Variants in CNTNAP2 observed in about 807,000 individuals in gnomAD.
CNTNAP2 encodes contactin associated protein 2.
Under a neutral mutation model 155.2 loss-of-function variants are expected in CNTNAP2, and 98 were observed. The observed-to-expected ratio is 0.63, with a 90% CI of 0.54 to 0.75. CNTNAP2 has a LOEUF of 0.75. CNTNAP2 is among the 30% of genes least tolerant of loss of function. The probability of loss-of-function intolerance (pLI) is 0.00; values close to 1 mark genes in which losing one functional copy is unlikely to be tolerated. For missense variants in CNTNAP2, 1,727 were observed against 1,688.1 expected, an observed-to-expected ratio of 1.02 and a Z score of -0.40; for synonymous variants, 651 against 631.2, an observed-to-expected ratio of 1.03 and a Z score of -0.47.
chr7:147,251,909 G>A (rs981259555), intron 8 of CNTNAP2, among the ~76,000 whole-genome samples: 3 of 152,114 alleles, frequency 2.0e-5, no homozygotes, highest in African/African-American at 7.2e-5. Flanking sequence ...GGACAAGTTT[G>A]TTCCTAATAT....
chr7:147,030,804 A>C (rs922524937), intron 3 of CNTNAP2, among the ~76,000 whole-genome samples: 1 of 152,160 alleles, frequency 6.6e-6, no homozygotes, highest in African/African-American at 2.4e-5. Context: ...GGATTGCTTG[A>C]GCCCAGGGGT....
chr7:147,402,065 T>A (rs891977589), intron 10 of CNTNAP2, among the ~76,000 whole-genome samples: 3 of 152,240 alleles, frequency 2.0e-5, no homozygotes, highest in Admixed American at 6.5e-5. Context: ...AATTCCCTAT[T>A]TCTAGTCAGT....
chr7:147,047,208 A>G (rs1466226833), intron 4 of CNTNAP2, among the ~76,000 whole-genome samples: 1 of 134,364 alleles, frequency 7.4e-6, no homozygotes, highest in Non-Finnish European at 1.5e-5. Flanking sequence ...TCCCGGGTTC[A>G]TGCCATTGTC....
chr7:148,128,442 T>A (rs1804759187), intron 16 of CNTNAP2, among the ~76,000 whole-genome samples: 1 of 152,200 alleles, frequency 6.6e-6, no homozygotes, highest in African/African-American at 2.4e-5. Context: ...AACCTTTGAT[T>A]TGAATTACAG....
chr7:146,140,500 G>C (rs920242804), intron 1 of CNTNAP2, among the ~76,000 whole-genome samples: 5 of 152,054 alleles, frequency 3.3e-5, no homozygotes, highest in Non-Finnish European at 5.9e-5. Flanking sequence ...CTAAGACAGA[G>C]CATTTAAAAT....
At chr7:146,911,451 A>G (rs1216551197) in intron 3 of CNTNAP2, among the ~76,000 whole-genome samples, 9 of 152,178 alleles carry the variant, frequency 5.9e-5, no homozygotes, top group Non-Finnish European at 1.3e-4. Context: ...TGTGGCACAT[A>G]TACACCATGG....
chr7:147,623,451 A>G (rs968729570), intron 12 of CNTNAP2, among the ~76,000 whole-genome samples: 1 of 152,144 alleles, frequency 6.6e-6, no homozygotes, highest in Non-Finnish European at 1.5e-5. Context: ...TAGCATTTCT[A>G]TATGCTAACA....
chr7:147,473,786 T>A (rs2116614012), intron 10 of CNTNAP2, among the ~76,000 whole-genome samples: 1 of 152,278 alleles, frequency 6.6e-6, no homozygotes, highest in East Asian at 1.9e-4. Flanking sequence ...AGGACAGAAC[T>A]GATCCACTTA....
At chr7:147,968,906 C>T (rs1801275714) in intron 14 of CNTNAP2, among the ~76,000 whole-genome samples, 1 of 152,200 alleles carries the variant, frequency 6.6e-6, no homozygotes, top group South Asian at 2.1e-4. Context: ...ATAGCTGTCC[C>T]AGTGCCCTGA....
chr7:147,546,177 G>C (rs1274721195), intron 11 of CNTNAP2, among the ~76,000 whole-genome samples: 1 of 152,088 alleles, frequency 6.6e-6, no homozygotes, highest in Non-Finnish European at 1.5e-5. Flanking sequence ...ATCAGACCCA[G>C]AATCATGGTG....
intron 1 of CNTNAP2, among the ~76,000 whole-genome samples, chr7:146,255,728 G>A (rs982428063): frequency 3.9e-5 from 6 of 152,208 alleles, no homozygotes; most frequent in African/African-American, 1.2e-4. Context: ...GAGAGACAAA[G>A]CCGCAAATGT....
chr7:146,321,252 C>T (rs985879972), intron 1 of CNTNAP2, among the ~76,000 whole-genome samples: 1 of 152,030 alleles, frequency 6.6e-6, no homozygotes, highest in African/African-American at 2.4e-5. Context: ...GGCATTATTT[C>T]CTTTGAGTAT....
chr7:147,053,505 G>T (rs531620496), intron 4 of CNTNAP2, among the ~76,000 whole-genome samples: 1 of 152,188 alleles, frequency 6.6e-6, no homozygotes, highest in African/African-American at 2.4e-5. Context: ...TATAGAGCTA[G>T]AGTCACATCA....
At chr7:146,580,650 A>G (rs1268145324) in intron 1 of CNTNAP2, among the ~76,000 whole-genome samples, 2 of 152,080 alleles carry the variant, frequency 1.3e-5, no homozygotes, top group Non-Finnish European at 2.9e-5. Context: ...TCGTCTTAAT[A>G]TATGATGTTT....
At chr7:148,110,014 A>T (rs118014487) in intron 15 of CNTNAP2, among the ~76,000 whole-genome samples, 2 of 151,642 alleles carry the variant, frequency 1.3e-5, no homozygotes, top group East Asian at 3.9e-4. Flanking sequence ...CAGACCCCCA[A>T]TGAAACTTGT....
At chr7:148,293,266 T>C (rs1423400263) in intron 21 of CNTNAP2, among the ~76,000 whole-genome samples, 1 of 152,104 alleles carries the variant, frequency 6.6e-6, no homozygotes, top group East Asian at 1.9e-4. Context: ...TAGCATGAAA[T>C]AGCAACCAAA....
At chr7:147,310,807 A>G (rs759685864) in intron 9 of CNTNAP2, among the ~76,000 whole-genome samples, 36 of 152,222 alleles carry the variant, frequency 2.4e-4, no homozygotes, top group Non-Finnish European at 5.9e-5. Flanking sequence ...AGATACAGGG[A>G]CCACTGCAAT....
chr7:146,332,038 T>TA (rs1801196553), intron 1 of CNTNAP2, among the ~76,000 whole-genome samples: 1 of 152,100 alleles, frequency 6.6e-6, no homozygotes. Flanking sequence ...TGTATTTATG[T>TA]AAAAATATAT....
chr7:148,260,021 C>T (rs539710067), intron 20 of CNTNAP2, among the ~76,000 whole-genome samples: 2 of 152,292 alleles, frequency 1.3e-5, no homozygotes, highest in East Asian at 1.9e-4. Context: ...AAAGAGCTCA[C>T]TTGGACCCCA....
Sources: gnomAD v4.1 joint callset for allele counts (sites outside exome capture counted in the v4.1 genomes callset) on GRCh38, gnomAD v4.1.1 for gene constraint, MANE v1.5 for transcripts, NCBI Gene and HGNC (gene_info 2026-07-23, HGNC 2026-07-21) for gene names.